Variants in EFL1 observed in about 807,000 individuals in gnomAD.
EFL1 encodes elongation factor-like GTPase 1.
A neutral mutation model predicts 126.7 loss-of-function variants in EFL1; 76 were observed. The observed-to-expected ratio is 0.60, with a 90% CI of 0.50 to 0.73. EFL1 has a LOEUF of 0.73. Among genes scored for constraint, EFL1 ranks in the 30% least tolerant of loss-of-function variants. The probability of loss-of-function intolerance (pLI) is 0.00; values close to 1 mark genes in which losing one functional copy is unlikely to be tolerated. For synonymous variants in EFL1, 410 were observed against 448.4 expected, an observed-to-expected ratio of 0.91 and a Z score of 1.08; for missense variants, 1,128 against 1,343.2, an observed-to-expected ratio of 0.84 and a Z score of 2.50.
chr15:82,253,677 T>C (rs2075043526), intron 3 of EFL1, among the ~76,000 whole-genome samples: 1 of 152,198 alleles, frequency 6.6e-6, no homozygotes, highest in African/African-American at 2.4e-5. Context: ...TTTCCCAAAT[T>C]AATAGATTTT....
At chr15:82,150,885 T>C (rs1216338335) in intron 18 of EFL1, among the ~76,000 whole-genome samples, 1 of 152,202 alleles carries the variant, frequency 6.6e-6, no homozygotes, top group African/African-American at 2.4e-5. Flanking sequence ...GTTTGGATGG[T>C]AACACATATG....
chr15:82,227,208 G>A (rs2074772803), intron 11 of EFL1, among the ~76,000 whole-genome samples: 1 of 152,234 alleles, frequency 6.6e-6, no homozygotes, highest in African/African-American at 2.4e-5. Context: ...CGAGGAGCAT[G>A]TGTACAAGTC....
chr15:82,151,454 T>G lies in EFL1; in HGVS notation c.2989+11A>C. The stretch of plus-strand genomic sequence containing the variant: ...GGGCATTTCTCACTATCTTTACCTT[T>G]TCTTCCTTACCGAGAACATCACCAG... On this transcript the variant is annotated intron_variant, in intron 18 of 19. Transcript: ENST00000268206. The G allele has an allele frequency of 1.3e-6, 2 of 1,591,994 alleles. No individual in the cohort carries two copies. The highest frequency in any genetic ancestry group is 1.7e-6 in the Non-Finnish European group (2 of 1,170,976).
intron 15 of EFL1, among the ~76,000 whole-genome samples, chr15:82,166,965 G>A (rs1020562432): frequency 2.6e-5 from 4 of 152,140 alleles, no homozygotes; most frequent in African/African-American, 7.2e-5. Flanking sequence ...TGTTCCCTCC[G>A]GGTAATCATT....
chr15:82,184,241 C>G (rs2074280602), intron 15 of EFL1, among the ~76,000 whole-genome samples: 1 of 152,166 alleles, frequency 6.6e-6, no homozygotes, highest in African/African-American at 2.4e-5. Context: ...AGATTCTGGA[C>G]AGTAAACAAT....
chr15:82,262,658 A>T lies in EFL1; in HGVS notation c.-64T>A. On this transcript the variant is annotated 5_prime_UTR_variant, in exon 1 of 20. Transcript: ENST00000268206. The stretch of plus-strand genomic sequence containing the variant: ...AGCCCCGCTCCTTCTCTCGGGTCGC[A>T]CCCACACCGAGAGCTTCCGAAAGTC... The T allele has an allele frequency of 3.9e-6, 2 of 515,516 alleles. No homozygotes were observed. Among genetic ancestry groups the T allele is most frequent in the Non-Finnish European group, 6.8e-6 (2 of 293,372 alleles). The allele number at this position is 515,516 out of a possible 1,614,324, so 31.9% of individuals were successfully genotyped here.
Position 82,213,319 on chromosome 15 carries a change from T to C in EFL1, c.1750+1398A>G, listed in dbSNP as rs190441098. On this transcript the variant is annotated intron_variant, in intron 15 of 19. Coordinates refer to ENST00000268206, the MANE Select transcript of EFL1 (RefSeq NM_024580.6). The stretch of plus-strand genomic sequence containing the variant: ...AAGGTCAGTAAAAGACATCAAGGTA[T>C]ATCTCTTCTCCAAGAATAAATGAAA... Among the ~76,000 whole-genome samples, 25 of 152,340 alleles carry C rather than the reference T, an allele frequency of 1.6e-4. No homozygotes were observed. In the East Asian group the frequency reaches 4.4e-3, roughly 27 times the overall value.
intron 10 of EFL1, 56 bp downstream of exon 10, chr15:82,228,135 G>GT (rs2074783412): frequency 1.3e-6 from 2 of 1,539,748 alleles, no homozygotes; most frequent in Non-Finnish European, 1.7e-6. Context: ...ATAACGCATT[G>GT]TTTTTTCTAG....
chr15:82,220,599 T>C (rs919880864), intron 12 of EFL1, among the ~76,000 whole-genome samples: 1 of 152,112 alleles, frequency 6.6e-6, no homozygotes, highest in Non-Finnish European at 1.5e-5. Context: ...GAAACAAGCA[T>C]AAGGCCTCAA....
intron 3 of EFL1, among the ~76,000 whole-genome samples, chr15:82,253,701 T>C (rs1182739285): frequency 6.6e-6 from 1 of 152,170 alleles, no homozygotes; most frequent in African/African-American, 2.4e-5. Flanking sequence ...TACATCTTTT[T>C]TAAAAAAAGA....
At chr15:82,157,993 T>C (rs1383773913) in intron 16 of EFL1, 133 bp from the exon 17 acceptor site, 9 of 1,085,274 alleles carry the variant, frequency 8.3e-6, no homozygotes, top group African/African-American at 6.4e-5. Flanking sequence ...TTCTTCCAGA[T>C]AGTGTAGTGA....
chr15:82,174,008 T>C (rs2141252405), intron 15 of EFL1, among the ~76,000 whole-genome samples: 1 of 152,086 alleles, frequency 6.6e-6, no homozygotes, highest in Admixed American at 6.5e-5. Context: ...GCTAACATGG[T>C]GAAACCCTGC....
chr15:82,135,246 C>T (rs2073707858), intron 19 of EFL1, among the ~76,000 whole-genome samples: 1 of 151,904 alleles, frequency 6.6e-6, no homozygotes, highest in African/African-American at 2.4e-5. Flanking sequence ...GTAGCTAAGC[C>T]AGAAAGTAAT....
At chr15:82,174,297 AGGGGTCAGCACACCT>A (rs2074170321) in intron 15 of EFL1, 5 of 152,166 alleles carry the variant, frequency 3.3e-5, no homozygotes, top group African/African-American at 1.2e-4. Flanking sequence ...GGGAAATCGC[AGGGGTCAGCACACCT>A]GGAGTGTACT....
At chr15:82,211,083 C>T (rs565001078) in intron 15 of EFL1, among the ~76,000 whole-genome samples, 7 of 145,652 alleles carry the variant, frequency 4.8e-5, no homozygotes, top group Admixed American at 4.8e-4. Flanking sequence ...CCTGAGAAGA[C>T]AAATCTGTTT....
At chr15:82,225,096 C>T (rs777883011) in intron 12 of EFL1, 69 bp downstream of exon 12, 22 of 1,288,336 alleles carry the variant, frequency 1.7e-5, no homozygotes, top group Non-Finnish European at 2.4e-5. Flanking sequence ...CCCCTACCCA[C>T]AGCCCAACTG....
At chr15:82,178,828 T>C (rs1447874735) in intron 15 of EFL1, among the ~76,000 whole-genome samples, 2 of 152,142 alleles carry the variant, frequency 1.3e-5, no homozygotes, top group African/African-American at 4.8e-5. Flanking sequence ...GGTACTTAAC[T>C]GTTTGCATTA....
chr15:82,241,850 G>A lies in EFL1; in HGVS notation c.245-447C>T, dbSNP rs550261804. 1.7e-4 allele frequency among the ~76,000 whole-genome samples: 26 copies of A among 152,344 alleles called. No homozygotes were observed. The East Asian group carries it at 4.2e-3, about 25-fold the overall frequency. On this transcript the variant is annotated intron_variant, in intron 4 of 19. Transcript: ENST00000268206. ...GCAGTTGGCCAAGTTCTTCCCTACA[G>A]TTTGTCAAAGAGCAGTGTATGAATC...
intron 16 of EFL1, among the ~76,000 whole-genome samples, chr15:82,161,951 C>G (rs1595951502): frequency 1.3e-5 from 2 of 152,218 alleles, no homozygotes; most frequent in Admixed American, 6.5e-5. Context: ...CATAACAGAG[C>G]CTTTTAAAAA....
Sources: allele counts gnomAD v4.1 joint callset (sites outside exome capture counted in the v4.1 genomes callset), GRCh38; gene constraint gnomAD v4.1.1; transcripts MANE v1.5; gene names NCBI Gene and HGNC (gene_info 2026-07-23, HGNC 2026-07-21).